CMAS: variants seen among roughly 807,000 people sequenced by gnomAD.
CMAS encodes N-acylneuraminate cytidylyltransferase.
CMAS carries 21 observed loss-of-function variants against 53.4 expected under a neutral mutation model. The ratio of observed to expected loss-of-function variants is 0.39; its 90% CI spans 0.28 to 0.57. CMAS has a LOEUF of 0.57. CMAS is among the 20% of genes least tolerant of loss of function. The pLI is 0.56. For synonymous variants in CMAS, 189 were observed against 195.2 expected (o/e 0.97, Z 0.27); for missense variants, 384 against 534.9 (o/e 0.72, Z 2.78).
chr12:22,053,069 G>A (rs1275914290), intron 1 of CMAS, among the ~76,000 whole-genome samples: 1 of 152,066 alleles, frequency 6.6e-6, no homozygotes, highest in Non-Finnish European at 1.5e-5. Flanking sequence ...TGAGGTGGGA[G>A]GGTCACTTGA....
At chr12:22,062,192 A>G (rs1950312279) in intron 6 of CMAS, 89 bp from the exon 7 acceptor site, 7 of 1,239,842 alleles carry the variant, frequency 5.6e-6, no homozygotes, top group Middle Eastern at 4.5e-4. Flanking sequence ...TGGACTGTCT[A>G]CAAGGTCAAT....
chr12:22,059,143 TA>T, intron 4 of CMAS, among the ~76,000 whole-genome samples: 1 of 121,378 alleles, frequency 8.2e-6, no homozygotes, highest in African/African-American at 3.7e-5. Flanking sequence ...TATATATATA[TA>T]TATATTTTTT....
chr12:22,060,594 T>A (rs1015054363), intron 4 of CMAS: 2 of 355,892 alleles, frequency 5.6e-6, no homozygotes, highest in Non-Finnish European at 1.0e-5. Flanking sequence ...TTCAAGGTTA[T>A]AATGAGCTAT....
chr12:22,061,982 A>C (rs1396886027), intron 6 of CMAS, among the ~76,000 whole-genome samples: 1 of 152,202 alleles, frequency 6.6e-6, no homozygotes, highest in African/African-American at 2.4e-5. Context: ...AGAATCTTAG[A>C]GTAGTATCAG....
At chr12:22,046,835 C>T (rs2138174806) in intron 1 of CMAS, among the ~76,000 whole-genome samples, 1 of 152,320 alleles carries the variant, frequency 6.6e-6, no homozygotes, top group East Asian at 1.9e-4. Context: ...GGGGAGATTA[C>T]ACCTCCCCAA....
intron 3 of CMAS, among the ~76,000 whole-genome samples, chr12:22,057,261 A>ACACC (rs1361916090): frequency 2.0e-5 from 3 of 151,686 alleles, no homozygotes; most frequent in African/African-American, 7.3e-5. Context: ...ACACACACAC[A>ACACC]CACACACACA....
chr12:22,054,600 G>A (rs1293212967), intron 1 of CMAS, among the ~76,000 whole-genome samples: 1 of 147,942 alleles, frequency 6.8e-6, no homozygotes, highest in South Asian at 2.1e-4. Flanking sequence ...CACCTTTAGG[G>A]TTTGGCTAAG....
At position 22,062,339 on chromosome 12, in the gene CMAS, A is replaced by G. The variant is rs746771033; in HGVS notation, c.1019A>G (p.Asp340Gly). Residue 340 changes from aspartate (D) to glycine (G), a missense_variant, in exon 7 of 8, where the codon GAT becomes GGT. This residue lies in a region of CMAS where 134 missense variants were observed against 154.6 expected (regional missense o/e 0.87). Coordinates refer to ENST00000229329, the MANE Select transcript of CMAS (RefSeq NM_018686.6). ...SKQTLSSLKL[D>G]CKMEVSVSDK... ...CAGACGCTGTCTTCTTTAAAACTGG[A>G]TTGCAAAATGGAAGTCAGTGTATCA... The G allele has an allele frequency of 6.1e-5, 98 of 1,610,592 alleles. No homozygotes were observed. Among genetic ancestry groups the G allele is most frequent in the Non-Finnish European group, 8.1e-5 (96 of 1,179,120 alleles).
Position 22,046,456 on chromosome 12 carries a change from C to G in CMAS, c.153C>G (p.Ala51=). ...CGCACCTGGCAGCCCTAATTCTGGC[C>G]CGGGGAGGCAGCAAAGGCATCCCCC... is the stretch of plus-strand genomic sequence containing the variant. ...KPPHLAALIL[A]RGGSKGIPLK... Residue 51 remains alanine (A), a synonymous_variant, in exon 1 of 8, where the codon GCC becomes GCG. Transcript: ENST00000229329. 1.2e-6 allele frequency: 2 copies of G among 1,610,210 alleles called. No individual in the cohort carries two copies. The highest frequency in any genetic ancestry group is 1.7e-6 in the Non-Finnish European group (2 of 1,178,682).
intron 1 of CMAS, among the ~76,000 whole-genome samples, chr12:22,052,421 T>G (rs1186031343): frequency 4.0e-5 from 6 of 151,846 alleles, no homozygotes; most frequent in African/African-American, 9.7e-5. Context: ...CAAAATTCTG[T>G]TTTTTTTCTT....
chr12:22,062,492 T>G, intron 7 of CMAS, 58 bp downstream of exon 7: 4 of 1,541,318 alleles, frequency 2.6e-6, no homozygotes, highest in Non-Finnish European at 3.6e-6. Context: ...TATTTACTTA[T>G]TTTTAAAGAA....
chr12:22,055,632 T>G, intron 3 of CMAS, 22 bp downstream of exon 3: 1 of 1,593,488 alleles, frequency 6.3e-7, no homozygotes, highest in Non-Finnish European at 8.5e-7. Flanking sequence ...TCAGTCTTTA[T>G]TTTAGCTGAT....
chr12:22,062,468 G>T (rs1266492146), intron 7 of CMAS, 34 bp downstream of exon 7: 2 of 1,586,084 alleles, frequency 1.3e-6, no homozygotes, highest in South Asian at 1.1e-5. Context: ...TAGTAAAATG[G>T]ACCAGGAATT....
chr12:22,055,105 A>G, intron 1 of CMAS, 44 bp from the exon 2 acceptor site: 3 of 1,491,552 alleles, frequency 2.0e-6, no homozygotes, highest in Non-Finnish European at 2.7e-6. Context: ...ATTGTTAATG[A>G]TTTCTTTTGA....
At chr12:22,062,260 C>CTTTTTT in intron 6 of CMAS, 21 bp from the exon 7 acceptor site, 1 of 1,415,030 alleles carries the variant, frequency 7.1e-7, no homozygotes, top group Admixed American at 2.7e-5. Flanking sequence ...TCCTCCAATC[C>CTTTTTT]TTTTTTTTTT....
chr12:22,062,207 A>G (rs568107660), intron 6 of CMAS, 74 bp from the exon 7 acceptor site: 1 of 1,367,084 alleles, frequency 7.3e-7, no homozygotes, highest in Non-Finnish European at 9.8e-7. Context: ...GTCAATTATT[A>G]TGAAAGATTT....
chr12:22,057,917 C>G (rs986497682), intron 3 of CMAS, among the ~76,000 whole-genome samples: 13 of 151,186 alleles, frequency 8.6e-5, no homozygotes, highest in East Asian at 2.0e-4. Flanking sequence ...AATCTCCCCC[C>G]CCCGGGTTCA....
intron 7 of CMAS, among the ~76,000 whole-genome samples, chr12:22,064,608 TAAA>T (rs918025688): frequency 6.6e-6 from 1 of 152,106 alleles, no homozygotes; most frequent in African/African-American, 2.4e-5. Context: ...TTCTGTCAGA[TAAA>T]AAATTATATT....
chr12:22,065,355 GC>G lies in CMAS; in HGVS notation c.*46del. 6.7e-7 allele frequency: 1 copy of G among 1,489,620 alleles called. No homozygotes were observed. Among genetic ancestry groups the G allele is most frequent in the Non-Finnish European group, 9.2e-7 (1 of 1,081,424 alleles). The allele number at this position is 1,489,620 out of a possible 1,614,324, so 92.3% of individuals were successfully genotyped here. A position where few individuals can be genotyped will look rare whatever the true frequency, so the allele number is the denominator to read the frequency against. ...GAAAAAAATGATACAGCCTTCTTCA[GC>G]CAGTTTGCTTTTATTTTTGATTAAG... On this transcript the variant is annotated 3_prime_UTR_variant, in exon 8 of 8. Transcript: ENST00000229329.
Sources: allele counts gnomAD v4.1 joint callset (sites outside exome capture counted in the v4.1 genomes callset), GRCh38; gene constraint gnomAD v4.1.1; regional missense constraint gnomAD v4.1.1; transcripts MANE v1.5; gene names NCBI Gene and HGNC (gene_info 2026-07-23, HGNC 2026-07-21).